Variants in RAB11FIP5 observed in about 807,000 individuals in gnomAD.
RAB11FIP5 encodes the protein rab11 family-interacting protein 5.
RAB11FIP5 carries 48 observed loss-of-function variants against 85.1 expected under a neutral mutation model. The observed-to-expected ratio is 0.56, with a 90% CI of 0.45 to 0.72. RAB11FIP5 has a LOEUF of 0.72. Ranked by LOEUF, RAB11FIP5 falls within the 30% of genes least tolerant of loss-of-function variation. RAB11FIP5 has a pLI of 0.00. For missense variants in RAB11FIP5, 1,491 were observed against 1,687.0 expected, an observed-to-expected ratio of 0.88 and a Z score of 2.04; for synonymous variants, 729 against 727.3, an observed-to-expected ratio of 1.00 and a Z score of -0.04.
Position 73,078,869 on chromosome 2 carries a change from C to T in RAB11FIP5, c.3581+782G>A, listed in dbSNP as rs771901992. 6.6e-6 allele frequency among the ~76,000 whole-genome samples: 1 copy of T among 152,164 alleles called. No individual in the cohort carries two copies. The highest frequency in any genetic ancestry group is 1.5e-5 in the Non-Finnish European group (1 of 68,012). On this transcript the variant is annotated intron_variant, in intron 4 of 5. Transcript: ENST00000486777. The surrounding 1 kb of genome is among the most constrained non-coding windows in gnomAD (Gnocchi z 4.4). ...CTCCAGGCCTCTGCCCACATCACCC[C>T]TGACCAGCCACCTGGTGAGGTCACA...
chr2:73,088,267 CCTT>C lies in RAB11FIP5; in HGVS notation c.1348_1350del (p.Lys450del), dbSNP rs771070499. 5.0e-4 allele frequency: 800 copies of C among 1,613,864 alleles called. No homozygotes were observed. Among genetic ancestry groups the C allele is most frequent in the Non-Finnish European group, 6.4e-4 (752 of 1,180,034 alleles). On this transcript the variant is annotated inframe_deletion, in exon 3 of 6. Transcript: ENST00000486777. Reference sequence around the variant, plus strand: ...TTGCGTTCCTCCTTCCGGGCTCCCTCCTTCTCTGCCACAGCCTCAGAGGAGGCC... The same window carrying C: ...TTGCGTTCCTCCTTCCGGGCTCCCTCCTCTGCCACAGCCTCAGAGGAGGCC...
chr2:73,112,079 T>G (rs916687955), intron 1 of RAB11FIP5, among the ~76,000 whole-genome samples: 1 of 152,100 alleles, frequency 6.6e-6, no homozygotes, highest in Admixed American at 6.5e-5. Flanking sequence ...TTCCTAACTT[T>G]ACTTGACAAT....
intron 4 of RAB11FIP5, among the ~76,000 whole-genome samples, chr2:73,076,876 A>ACCGGC: frequency 6.6e-6 from 1 of 152,280 alleles, no homozygotes; most frequent in South Asian, 2.1e-4. Context: ...GTCGGTCTCT[A>ACCGGC]CCGGCCCACC....
intron 1 of RAB11FIP5, among the ~76,000 whole-genome samples, chr2:73,105,594 TGAG>T (rs1186765110): frequency 3.3e-5 from 5 of 151,902 alleles, no homozygotes; most frequent in African/African-American, 1.2e-4. Flanking sequence ...TCCCAAAGTA[TGAG>T]ACAACATCCC....
intron 3 of RAB11FIP5, among the ~76,000 whole-genome samples, chr2:73,083,519 G>A (rs1428545446): frequency 1.3e-5 from 2 of 152,126 alleles, no homozygotes; most frequent in East Asian, 3.8e-4. Flanking sequence ...ACCTAAAGAT[G>A]GAGGGAGAGG....
rs774750146 is a variant in RAB11FIP5 at position 73,088,569 on chromosome 2, C to A, written c.1049G>T (p.Gly350Val). The change falls in exon 3 of 6, where the codon GGC becomes GTC. Residue 350 changes from glycine (G) to valine (V), a missense_variant. Gly to Val is a moderately radical substitution (Grantham distance 109). Around this residue, in one of 3 missense-constraint regions of RAB11FIP5, gnomAD observed 1,211 missense variants for 1,338.0 expected, o/e 0.91. Transcript: ENST00000486777. Reference sequence around the variant, plus strand: ...GATGGAGCTGCGGTGCCGCACAGGGCCCTGGGGCTCCTCATTGTAAATGTG... The same window carrying A: ...GATGGAGCTGCGGTGCCGCACAGGGACCTGGGGCTCCTCATTGTAAATGTG... ...GSHIYNEEPQGPVRHRSSISG... is the reference protein window; with the variant it reads ...GSHIYNEEPQVPVRHRSSISG... 18 of 1,613,746 alleles carry A rather than the reference C, an allele frequency of 1.1e-5. No individual in the cohort carries two copies. Among genetic ancestry groups the A allele is most frequent in the South Asian group, 9.9e-5 (9 of 91,094 alleles).
rs183061786 is a variant in RAB11FIP5, at chr2:73,111,968, C to T, written c.431+379G>A. ...CCTGCCGGACAGGCGCCCGCAGTTC[C>T]CCTCCCCTTTGAGGAAAGGGAGGCA... On this transcript the variant is annotated intron_variant, in intron 1 of 5. Transcript: ENST00000486777. Among the ~76,000 whole-genome samples the T allele has an allele frequency of 1.3e-3, 199 of 152,270 alleles. 1 individual carries two copies. The highest frequency in any genetic ancestry group is 1.0e-2 in the South Asian group (48 of 4,820).
In RAB11FIP5 at chr2:73,080,226, G is replaced by A. The variant is rs1475410163; in HGVS notation, c.3006C>T (p.Ala1002=). 5.7e-6 allele frequency: 7 copies of A among 1,232,564 alleles called. No individual in the cohort carries two copies. In the Admixed American group the frequency reaches 1.7e-4, roughly 30 times the overall value. The allele number at this position is 1,232,564 out of a possible 1,614,324, so 76.4% of individuals were successfully genotyped here. ...SAPASCPEGP[A]PIPCHSKSLA... ...AGCTCTTTGAGTGACAGGGTATGGG[G>A]GCAGGACCCTCAGGGCAGCTGGCGG... The change falls in exon 4 of 6, where the codon GCC becomes GCT. Residue 1002 remains alanine, a synonymous_variant. Coordinates refer to ENST00000486777, the MANE Select transcript of RAB11FIP5 (RefSeq NM_001371272.1).
intron 1 of RAB11FIP5, among the ~76,000 whole-genome samples, chr2:73,090,781 C>CA: frequency 6.6e-6 from 1 of 152,328 alleles, no homozygotes; most frequent in Admixed American, 6.5e-5. Flanking sequence ...AGGGACTTCT[C>CA]AGGAGAGAAA....
chr2:73,102,532 G>A (rs757034976), intron 1 of RAB11FIP5, among the ~76,000 whole-genome samples: 2 of 152,170 alleles, frequency 1.3e-5, no homozygotes, highest in Admixed American at 1.3e-4. Flanking sequence ...GGAACAATGG[G>A]GAAGGTAGGA....
At position 73,112,370 on chromosome 2, in the gene RAB11FIP5, G is replaced by T; in HGVS notation, c.408C>A (p.Gly136=). The change falls in exon 1 of 6, where the codon GGC becomes GGA. Residue 136 remains glycine (G), a synonymous_variant. Coordinates refer to ENST00000486777, the MANE Select transcript of RAB11FIP5 (RefSeq NM_001371272.1). ...QATVALDEVF[G]AGRAQHTQWY... Reference sequence around the variant, plus strand: ...ACTGCGTGTGCTGGGCGCGGCCTGCGCCGAAGACCTCGTCCAGCGCCACCG... The same window carrying T: ...ACTGCGTGTGCTGGGCGCGGCCTGCTCCGAAGACCTCGTCCAGCGCCACCG... The T allele has an allele frequency of 6.3e-7, 1 of 1,598,734 alleles. No individual in the cohort carries two copies. Among genetic ancestry groups the T allele is most frequent in the East Asian group, 2.3e-5 (1 of 43,766 alleles).
In RAB11FIP5 at chr2:73,112,489, G is replaced by A. The variant is rs779515936; in HGVS notation, c.289C>T (p.Pro97Ser). The A allele has an allele frequency of 6.0e-6, 9 of 1,487,894 alleles. No homozygotes were observed. Among genetic ancestry groups the A allele is most frequent in the Middle Eastern group, 1.8e-4 (1 of 5,692 alleles). 92.2% of individuals were successfully genotyped at this position (1,487,894 alleles called of 1,614,324 possible). The part of the protein sequence containing the change: ...RAQEADAGPA[P>S]WAASSAAACE... ...GCGGCGGCGGAGCTCGCGGCCCAGG[G>A]CGCCGGGCCCGCGTCGGCCTCCTGC... The change falls in exon 1 of 6, where the codon CCC (proline) becomes TCC (serine). Residue 97 changes from proline (P) to serine (S), a missense_variant. Transcript: ENST00000486777.
chr2:73,100,890 C>T (rs543916618), intron 1 of RAB11FIP5, among the ~76,000 whole-genome samples: 137 of 152,238 alleles, frequency 9.0e-4, no homozygotes, highest in Middle Eastern at 3.4e-3. Flanking sequence ...CTGCAACCTA[C>T]GCCAGCCTGC....
At chr2:73,101,757 G>A (rs1011853402) in intron 1 of RAB11FIP5, among the ~76,000 whole-genome samples, 3 of 152,068 alleles carry the variant, frequency 2.0e-5, no homozygotes, top group African/African-American at 4.8e-5. Flanking sequence ...GCTCACCACC[G>A]CACAGGGGCT....
At chr2:73,084,769 A>T (rs908084187) in intron 3 of RAB11FIP5, among the ~76,000 whole-genome samples, 1 of 152,230 alleles carries the variant, frequency 6.6e-6, no homozygotes, top group Non-Finnish European at 1.5e-5. Flanking sequence ...CACTGGTCCC[A>T]GAGATGGCAA....
At chr2:73,092,722 G>A (rs1300006251) in intron 1 of RAB11FIP5, among the ~76,000 whole-genome samples, 1 of 152,166 alleles carries the variant, frequency 6.6e-6, no homozygotes, top group Non-Finnish European at 1.5e-5. Context: ...AAGCACGGAA[G>A]GAAAAAGAAA....
intron 1 of RAB11FIP5, among the ~76,000 whole-genome samples, chr2:73,093,580 T>C (rs936379577): frequency 3.3e-5 from 5 of 152,330 alleles, no homozygotes; most frequent in South Asian, 2.1e-4. Flanking sequence ...CAGCAGGGCA[T>C]GGTGGTGAGT....
intron 1 of RAB11FIP5, among the ~76,000 whole-genome samples, chr2:73,095,123 T>A (rs1684292112): frequency 6.6e-6 from 1 of 152,092 alleles, no homozygotes. Context: ...CTTGACTTCA[T>A]CTCTCTGTCA....
rs988292869 is a variant in RAB11FIP5, at chr2:73,080,644, T to A, written c.2588A>T (p.Gln863Leu). Reference sequence around the variant, plus strand: ...GCTCACAGTTTCTGGTGATTCAGGCTGCACCTGGGGAGCAGGCTCATCAGA... The same window carrying A: ...GCTCACAGTTTCTGGTGATTCAGGCAGCACCTGGGGAGCAGGCTCATCAGA... ...GESDEPAPQV[Q>L]PESPETVSPK... Residue 863 changes from glutamine (Q) to leucine (L), a missense_variant, in exon 4 of 6, where the codon CAG becomes CTG. Physicochemically the swap from Gln to Leu is moderately radical, Grantham distance 113. This residue lies in a region of RAB11FIP5 where 1,211 missense variants were observed against 1,338.0 expected (regional missense o/e 0.91). Coordinates refer to ENST00000486777, the MANE Select transcript of RAB11FIP5 (RefSeq NM_001371272.1). The A allele has an allele frequency of 4.1e-6, 5 of 1,232,258 alleles. No homozygotes were observed. In the South Asian group the frequency reaches 1.6e-4, roughly 41 times the overall value. The allele number at this position is 1,232,258 out of a possible 1,614,324, so 76.3% of individuals were successfully genotyped here.
Sources: gnomAD v4.1 joint callset for allele counts (sites outside exome capture counted in the v4.1 genomes callset) on GRCh38, gnomAD v4.1.1 for gene constraint, gnomAD v4.1.1 regional missense constraint, Gnocchi (gnomAD v3.1) non-coding constraint, MANE v1.5 for transcripts, NCBI Gene and HGNC (gene_info 2026-07-23, HGNC 2026-07-21) for gene names.